Variants in SPIRE1 observed in about 807,000 individuals in gnomAD.
The protein encoded by SPIRE1 is spire type actin nucleation factor 1.
A neutral mutation model predicts 94.1 loss-of-function variants in SPIRE1; 40 were observed. The observed-to-expected ratio is 0.43, with a 90% CI of 0.33 to 0.55. SPIRE1 has a LOEUF of 0.55. Ranked by LOEUF, SPIRE1 falls within the 20% of genes least tolerant of loss-of-function variation. The pLI is 0.06. For synonymous variants in SPIRE1, 376 were observed against 371.7 expected, an observed-to-expected ratio of 1.01 and a Z score of -0.13; for missense variants, 838 against 975.2, an observed-to-expected ratio of 0.86 and a Z score of 1.87.
intron 9 of SPIRE1, among the ~76,000 whole-genome samples, chr18:12,485,438 C>T (rs2033002656): frequency 6.6e-6 from 1 of 152,232 alleles, no homozygotes; most frequent in Non-Finnish European, 1.5e-5. Flanking sequence ...CATTCAAAGT[C>T]ATTCATGACT....
chr18:12,528,253 G>A (rs917528656), intron 4 of SPIRE1, among the ~76,000 whole-genome samples: 1 of 152,040 alleles, frequency 6.6e-6, no homozygotes, highest in Non-Finnish European at 1.5e-5. Flanking sequence ...GTACAAACAT[G>A]GTCCTTGCCC....
At chr18:12,503,100 C>G (rs1490769333) in intron 6 of SPIRE1, among the ~76,000 whole-genome samples, 1 of 144,324 alleles carries the variant, frequency 6.9e-6, no homozygotes, top group Non-Finnish European at 1.5e-5. Flanking sequence ...CAGAGTGAGA[C>G]TCTGTCTCAA....
chr18:12,582,713 T>C (rs2036287562), intron 2 of SPIRE1, among the ~76,000 whole-genome samples: 1 of 152,208 alleles, frequency 6.6e-6, no homozygotes, highest in Non-Finnish European at 1.5e-5. Context: ...CTCCAGAGCA[T>C]GGGAGCCAGG....
chr18:12,474,748 G>A (rs1268071929), intron 10 of SPIRE1, among the ~76,000 whole-genome samples: 1 of 152,130 alleles, frequency 6.6e-6, no homozygotes, highest in Non-Finnish European at 1.5e-5. Context: ...GAACCCGGGA[G>A]TCGGAGGATG....
chr18:12,490,114 G>A (rs2143840318), intron 8 of SPIRE1, among the ~76,000 whole-genome samples: 1 of 152,232 alleles, frequency 6.6e-6, no homozygotes, highest in East Asian at 1.9e-4. Flanking sequence ...TTTGAACTCG[G>A]AATTCTAGAA....
intron 4 of SPIRE1, 71 bp from the exon 5 acceptor site, chr18:12,512,602 T>C (rs1294335260): frequency 3.2e-6 from 3 of 940,876 alleles, no homozygotes; most frequent in East Asian, 2.5e-5. Context: ...TCCTAACATA[T>C]CTTCAGATAA....
At chr18:12,578,614 A>AT (rs202016042) in intron 2 of SPIRE1, among the ~76,000 whole-genome samples, 548 of 152,294 alleles carry the variant, frequency 3.6e-3, no homozygotes, top group Non-Finnish European at 6.4e-3. Context: ...TCCAAGGTTG[A>AT]TTTTTTTAAA....
At chr18:12,654,638 G>A (rs1427616138) in intron 1 of SPIRE1, among the ~76,000 whole-genome samples, 1 of 151,342 alleles carries the variant, frequency 6.6e-6, no homozygotes, top group South Asian at 2.1e-4. Flanking sequence ...CTGGGCGACT[G>A]AGCGAGACTC....
intron 12 of SPIRE1, among the ~76,000 whole-genome samples, chr18:12,461,596 TACAC>T (rs140982581): frequency 8.0e-5 from 12 of 149,376 alleles, no homozygotes; most frequent in African/African-American, 3.0e-4. Context: ...TATACATACA[TACAC>T]ACACATATAC....
chr18:12,569,890 T>A (rs1363711459), intron 2 of SPIRE1, among the ~76,000 whole-genome samples: 1 of 152,192 alleles, frequency 6.6e-6, no homozygotes, highest in Non-Finnish European at 1.5e-5. Flanking sequence ...AAGAGGGCAC[T>A]AAATAAAACC....
chr18:12,583,444 A>C (rs2036307958), intron 2 of SPIRE1, among the ~76,000 whole-genome samples: 1 of 152,166 alleles, frequency 6.6e-6, no homozygotes, highest in Non-Finnish European at 1.5e-5. Context: ...TCTACTAAAA[A>C]TACAAAAATT....
chr18:12,468,339 A>G (rs752707733), intron 10 of SPIRE1, among the ~76,000 whole-genome samples: 1 of 152,198 alleles, frequency 6.6e-6, no homozygotes, highest in Non-Finnish European at 1.5e-5. Context: ...GAATGGCAAC[A>G]TCTAGCTGTA....
At chr18:12,642,585 T>C (rs921867151) in intron 1 of SPIRE1, among the ~76,000 whole-genome samples, 17 of 152,246 alleles carry the variant, frequency 1.1e-4, no homozygotes, top group Non-Finnish European at 1.0e-4. Context: ...GTTTCATCTC[T>C]AGTGCCAATT....
intron 1 of SPIRE1, among the ~76,000 whole-genome samples, chr18:12,640,641 G>A (rs775965099): frequency 1.3e-5 from 2 of 152,160 alleles, no homozygotes; most frequent in Non-Finnish European, 2.9e-5. Context: ...CATCTGGGGT[G>A]GTCAGGTAAG....
chr18:12,470,705 CT>C (rs2032322399), intron 10 of SPIRE1, among the ~76,000 whole-genome samples: 5 of 152,206 alleles, frequency 3.3e-5, no homozygotes, highest in Admixed American at 2.0e-4. Context: ...TCTATTCCAA[CT>C]GCCTAATCAC....
At chr18:12,530,888 T>C (rs2034661490) in intron 4 of SPIRE1, among the ~76,000 whole-genome samples, 1 of 152,192 alleles carries the variant, frequency 6.6e-6, no homozygotes. Flanking sequence ...AAACAGTGTA[T>C]TACTGGAGAA....
At chr18:12,521,675 C>G (rs1301937259) in intron 4 of SPIRE1, among the ~76,000 whole-genome samples, 2 of 152,150 alleles carry the variant, frequency 1.3e-5, no homozygotes, top group Non-Finnish European at 2.9e-5. Context: ...TGCAGCAACC[C>G]TGAGTTCGGC....
intron 3 of SPIRE1, among the ~76,000 whole-genome samples, chr18:12,542,795 T>C (rs531170459): frequency 6.6e-6 from 1 of 152,318 alleles, no homozygotes; most frequent in East Asian, 1.9e-4. Flanking sequence ...TATTATTTTT[T>C]GCTGTTAATA....
chr18:12,615,336 A>AAAAAAAAAAAAAAAAAT, intron 2 of SPIRE1, among the ~76,000 whole-genome samples: 1 of 53,030 alleles, frequency 1.9e-5, no homozygotes, highest in Non-Finnish European at 5.1e-5. Flanking sequence ...TCAAAAAAAA[A>AAAAAAAAAAAAAAAAAT]AAAAAAAAAA....
Sources: gnomAD v4.1 joint callset for allele counts (sites outside exome capture counted in the v4.1 genomes callset) on GRCh38, gnomAD v4.1.1 for gene constraint, MANE v1.5 for transcripts, NCBI Gene and HGNC (gene_info 2026-07-23, HGNC 2026-07-21) for gene names.